MTHFD2L: variants seen among roughly 807,000 people sequenced by gnomAD.
MTHFD2L encodes bifunctional methylenetetrahydrofolate dehydrogenase/cyclohydrolase 2, mitochondrial.
In MTHFD2L, 29 loss-of-function variants were observed where a neutral mutation model predicts 34.9. The observed-to-expected ratio is 0.83, with a 90% CI of 0.62 to 1.13. The LOEUF is 1.13. MTHFD2L is among the 50% of genes most tolerant of loss of function. MTHFD2L has a pLI of 0.00. For missense variants in MTHFD2L, 481 were observed against 446.5 expected (o/e 1.08, Z -0.70); for synonymous variants, 167 against 155.7 (o/e 1.07, Z -0.54).
intron 6 of MTHFD2L, among the ~76,000 whole-genome samples, chr4:74,275,771 C>G (rs1195333239): frequency 6.6e-6 from 1 of 151,810 alleles, no homozygotes; most frequent in East Asian, 1.9e-4. Flanking sequence ...TGTTCATATC[C>G]TTTGCCCACT....
chr4:74,206,086 A>G (rs1287630021), intron 5 of MTHFD2L, among the ~76,000 whole-genome samples: 1 of 151,862 alleles, frequency 6.6e-6, no homozygotes, highest in African/African-American at 2.4e-5. Context: ...GTAGTTCAAC[A>G]AGAGCAAGGC....
chr4:74,290,084 T>C (rs376588059), intron 7 of MTHFD2L, among the ~76,000 whole-genome samples: 2 of 152,266 alleles, frequency 1.3e-5, no homozygotes, highest in East Asian at 1.9e-4. Flanking sequence ...TCCCCAAATA[T>C]CTGGTGCCTT....
intron 1 of MTHFD2L, chr4:74,160,201 C>A: frequency 2.4e-6 from 2 of 842,784 alleles, no homozygotes; most frequent in South Asian, 3.0e-5. Context: ...AGTCTGACAT[C>A]TTTTCTTTTG....
intron 1 of MTHFD2L, among the ~76,000 whole-genome samples, chr4:74,141,258 T>C (rs754684317): frequency 6.6e-6 from 1 of 152,180 alleles, no homozygotes; most frequent in Non-Finnish European, 1.5e-5. Context: ...GCAGGGTTGA[T>C]TACTACTGTA....
chr4:74,142,419 C>T (rs1723332164), intron 1 of MTHFD2L, among the ~76,000 whole-genome samples: 1 of 152,156 alleles, frequency 6.6e-6, no homozygotes, highest in African/African-American at 2.4e-5. Flanking sequence ...GGCTAGCTTG[C>T]CCTCTTTCCA....
rs955259727 is a variant in MTHFD2L at position 74,175,145 on chromosome 4, G to A, written c.329-136G>A. On this transcript the variant is annotated intron_variant, in intron 2 of 7. Transcript: ENST00000325278. ...AAGAGGAAACACCTGTACTATTGGAGAAATCCTTCCTGATGATGCATGGAA... is the reference window on the plus strand; with the variant it reads ...AAGAGGAAACACCTGTACTATTGGAAAAATCCTTCCTGATGATGCATGGAA... The A allele has an allele frequency of 9.6e-5, 90 of 941,618 alleles. No individual in the cohort carries two copies. The African/African-American group carries it at 1.4e-3, about 14-fold the overall frequency. The allele number at this position is 941,618 out of a possible 1,614,324, so 58.3% of individuals were successfully genotyped here.
At chr4:74,289,609 G>T (rs1183616084) in intron 7 of MTHFD2L, among the ~76,000 whole-genome samples, 1 of 152,190 alleles carries the variant, frequency 6.6e-6, no homozygotes, top group Non-Finnish European at 1.5e-5. Flanking sequence ...AGGCCGTATA[G>T]AGGTAAAGGT....
chr4:74,275,047 C>T (rs866631572), intron 6 of MTHFD2L, among the ~76,000 whole-genome samples: 45 of 152,216 alleles, frequency 3.0e-4, no homozygotes, highest in Admixed American at 9.8e-4. Context: ...CACCTATCAA[C>T]GCATCACCTA....
At chr4:74,283,304 A>G (rs1747731623) in intron 7 of MTHFD2L, among the ~76,000 whole-genome samples, 1 of 152,178 alleles carries the variant, frequency 6.6e-6, no homozygotes, top group Non-Finnish European at 1.5e-5. Flanking sequence ...ACTGAAAGTA[A>G]AAAGTATTCT....
At position 74,152,345 on chromosome 4, in the gene MTHFD2L, G is replaced by C. The variant is rs1054815821; in HGVS notation, c.-296-7710G>C. 5.3e-5 allele frequency among the ~76,000 whole-genome samples: 8 copies of C among 152,052 alleles called. 1 individual carries two copies. In the South Asian group the frequency reaches 1.5e-3, roughly 28 times the overall value. On this transcript the variant is annotated intron_variant, in intron 1 of 7. Coordinates refer to the MTHFD2L transcript ENST00000433372. ...GATTAGTAGCTTCTTTTCCATTTCT[G>C]TCTGTTTTGGTTTTCTACTTCATGA...
rs557470478 is a variant in MTHFD2L, at chr4:74,236,913, T to A, written c.805+11519T>A. Among the ~76,000 whole-genome samples the A allele has an allele frequency of 1.1e-4, 16 of 152,310 alleles. No individual in the cohort carries two copies. In the South Asian group the frequency reaches 2.1e-3, roughly 20 times the overall value. On this transcript the variant is annotated intron_variant, in intron 6 of 7. Coordinates refer to ENST00000325278, the MANE Select transcript of MTHFD2L (RefSeq NM_001144978.3). Reference sequence around the variant, plus strand: ...ATTTATCTCTTTTTAGGTTTTTTTTTAAATAAACCTTACTTTTATGGGATT... The same window carrying A: ...ATTTATCTCTTTTTAGGTTTTTTTTAAAATAAACCTTACTTTTATGGGATT...
rs1208764256 is a variant in MTHFD2L at position 74,174,521 on chromosome 4, T to A, written c.159T>A (p.Ile53=). ...RSSGVRHEAI[I]ISGTEMAKHI... ...CTTTCCACAGACATGAAGCCATTAT[T>A]ATATCAGGAACCGAAATGGCCAAGC... is the stretch of plus-strand genomic sequence containing the variant. The change falls in exon 2 of 8, where the codon ATT becomes ATA. Residue 53 remains isoleucine (I), a synonymous_variant. Coordinates refer to ENST00000325278, the MANE Select transcript of MTHFD2L (RefSeq NM_001144978.3). 2 of 1,555,810 alleles carry A rather than the reference T, an allele frequency of 1.3e-6. No individual in the cohort carries two copies. Among genetic ancestry groups the A allele is most frequent in the African/African-American group, 2.8e-5 (2 of 71,598 alleles).
intron 6 of MTHFD2L, 101 bp from the exon 7 acceptor site, chr4:74,281,324 C>CGTGTGGGTGTGTGT: frequency 1.2e-6 from 1 of 866,614 alleles, no homozygotes; most frequent in Non-Finnish European, 1.7e-6. Flanking sequence ...ATTACACATA[C>CGTGTGGGTGTGTGT]GTGTGTGTGT....
At position 74,174,698 on chromosome 4, in the gene MTHFD2L, T is replaced by G. The variant is rs200853534; in HGVS notation, c.328+8T>G. The stretch of plus-strand genomic sequence containing the variant: ...GAGCTGCCTCTGCTGTAGGTGGGTG[T>G]GTGTTTTAGTTGTAATTACTACTAA... On this transcript the variant is annotated splice_region_variant and intron_variant, in intron 2 of 7. Transcript: ENST00000325278. The G allele has an allele frequency of 5.5e-6, 8 of 1,458,386 alleles. No homozygotes were observed. In the African/African-American group the frequency reaches 1.0e-4, roughly 19 times the overall value. The allele number at this position is 1,458,386 out of a possible 1,614,324, so 90.3% of individuals were successfully genotyped here.
At chr4:74,117,896 G>C (rs935149552) in intron 2 of MTHFD2L, among the ~76,000 whole-genome samples, 24 of 152,254 alleles carry the variant, frequency 1.6e-4, no homozygotes, top group African/African-American at 5.3e-4. Context: ...TTGCTTCCAT[G>C]AACTCTGTAC....
At chr4:74,256,062 T>C (rs1743986531) in intron 6 of MTHFD2L, among the ~76,000 whole-genome samples, 1 of 152,228 alleles carries the variant, frequency 6.6e-6, no homozygotes, top group South Asian at 2.1e-4. Context: ...TTTTAAGTTA[T>C]TTGAGAAATC....
chr4:74,260,798 A>G lies in MTHFD2L; in HGVS notation c.806-20627A>G, dbSNP rs72654824. ...TTACAAATATTAGCAAATTTAAACC[A>G]TAGTGTATGAAAAGAATACAAGACA... On this transcript the variant is annotated intron_variant, in intron 6 of 7. Coordinates refer to ENST00000325278, the MANE Select transcript of MTHFD2L (RefSeq NM_001144978.3). Among the ~76,000 whole-genome samples the G allele has an allele frequency of 2.6e-3, 399 of 152,240 alleles. 4 individuals carry two copies. Among genetic ancestry groups the G allele is most frequent in the Non-Finnish European group, 4.5e-3 (309 of 67,980 alleles).
intron 6 of MTHFD2L, among the ~76,000 whole-genome samples, chr4:74,235,015 A>T (rs1054977093): frequency 3.9e-5 from 6 of 152,136 alleles, no homozygotes; most frequent in African/African-American, 1.4e-4. Flanking sequence ...AGAGCTATAA[A>T]ATGCTATGCA....
upstream of MTHFD2L, chr4:74,157,929 C>A: frequency 1.3e-6 from 1 of 794,704 alleles, no homozygotes; most frequent in Non-Finnish European, 2.1e-6. Context: ...TGGGTCCTGG[C>A]CCCGCCCCCT....
Sources: gnomAD v4.1 joint callset for allele counts (sites outside exome capture counted in the v4.1 genomes callset) on GRCh38, gnomAD v4.1.1 for gene constraint, MANE v1.5 for transcripts, NCBI Gene and HGNC (gene_info 2026-07-23, HGNC 2026-07-21) for gene names.